The following NDE1 variants were observed in gnomAD, a reference collection of about 807,000 sequenced individuals.
NDE1 encodes nuclear distribution protein nudE homolog 1.
Under a neutral mutation model 43.4 loss-of-function variants are expected in NDE1, and 28 were observed. The ratio of observed to expected loss-of-function variants is 0.65; its 90% confidence interval spans 0.48 to 0.89. The LOEUF (loss-of-function observed/expected upper bound fraction) is 0.89. NDE1 is among the 40% of genes least tolerant of loss of function. The pLI, the probability that NDE1 is intolerant of heterozygous loss-of-function variation, is 0.00. For missense variants in NDE1, 441 were observed against 434.1 expected (o/e 1.02, Z -0.14); for synonymous variants, 184 against 172.0 (o/e 1.07, Z -0.55).
At chr16:15,654,462 G>T (rs541968176) in intron 1 of NDE1, among the ~76,000 whole-genome samples, 1 of 151,552 alleles carries the variant, frequency 6.6e-6, no homozygotes, top group African/African-American at 2.4e-5. Context: ...TTAGCCAGTC[G>T]TGGTGGCATG....
At chr16:15,667,585 T>TGATCTTTG in intron 3 of NDE1, 146 bp downstream of exon 3, 1 of 940,340 alleles carries the variant, frequency 1.1e-6, no homozygotes, top group Non-Finnish European at 1.6e-6. Context: ...GCGGCAGACG[T>TGATCTTTG]GATCTTTGAA....
At chr16:15,681,666 T>C (rs2038191668) in intron 4 of NDE1, among the ~76,000 whole-genome samples, 1 of 152,188 alleles carries the variant, frequency 6.6e-6, no homozygotes, top group Non-Finnish European at 1.5e-5. Flanking sequence ...TGGGAGTTTG[T>C]CATTTGTTTC....
chr16:15,707,476 A>G (rs756794434), intron 8 of NDE1, among the ~76,000 whole-genome samples: 2 of 152,150 alleles, frequency 1.3e-5, no homozygotes, highest in Non-Finnish European at 2.9e-5. Flanking sequence ...GGCTTATCCT[A>G]TGATCCCAAT....
At chr16:15,723,226 G>T (rs898717842) in intron 8 of NDE1, among the ~76,000 whole-genome samples, 1 of 152,156 alleles carries the variant, frequency 6.6e-6, no homozygotes, top group African/African-American at 2.4e-5. Context: ...AAGCAAAATT[G>T]TGTTTAAAAA....
chr16:15,715,840 C>A (rs763902054), intron 8 of NDE1, among the ~76,000 whole-genome samples: 2 of 152,058 alleles, frequency 1.3e-5, no homozygotes, highest in Non-Finnish European at 2.9e-5. Context: ...GAAACGGAGT[C>A]TCTGGCCAGG....
intron 3 of NDE1, among the ~76,000 whole-genome samples, chr16:15,667,899 G>A (rs557143504): frequency 1.3e-5 from 2 of 151,870 alleles, no homozygotes; most frequent in African/African-American, 4.8e-5. Context: ...TGAGAAGCAA[G>A]TCACACACAT....
intron 8 of NDE1, among the ~76,000 whole-genome samples, chr16:15,705,504 T>C (rs1217049261): frequency 6.6e-6 from 1 of 152,144 alleles, no homozygotes; most frequent in African/African-American, 2.4e-5. Flanking sequence ...AACACTTAAC[T>C]CTTTTCAGCA....
Position 15,721,734 on chromosome 16 carries a change from G to A in NDE1, c.948-2457G>A, listed in dbSNP as rs1436733004. Reference sequence around the variant, plus strand: ...AGCCCTGTGTCCTGCTGAATGTATTGAGGTGCAGGTGTAAGCAGTGTAGGT... The same window carrying A: ...AGCCCTGTGTCCTGCTGAATGTATTAAGGTGCAGGTGTAAGCAGTGTAGGT... On this transcript the variant is annotated intron_variant, in intron 8 of 8. Transcript: ENST00000396354. 4.0e-6 allele frequency: 5 copies of A among 1,257,330 alleles called. No individual in the cohort carries two copies. The African/African-American group carries it at 4.4e-5, about 11-fold the overall frequency. The allele number at this position is 1,257,330 out of a possible 1,614,324, so 77.9% of individuals were successfully genotyped here.
In NDE1 at chr16:15,726,008, C is replaced by G. The variant is rs1003109951; in HGVS notation, c.*1757C>G. The G allele has an allele frequency of 2.1e-5, 6 of 280,862 alleles. No individual in the cohort carries two copies. Among genetic ancestry groups the G allele is most frequent in the Admixed American group, 5.3e-5 (1 of 18,832 alleles). The allele number at this position is 280,862 out of a possible 1,614,324, so 17.4% of individuals were successfully genotyped here. On this transcript the variant is annotated 3_prime_UTR_variant, in exon 9 of 9. Coordinates refer to ENST00000396354, the MANE Select transcript of NDE1 (RefSeq NM_017668.3). Reference sequence around the variant, plus strand: ...CACTCCAGCTCTACTGGCTGTATGTCTCTCTCCTAATTTTTCTACTTACCA... The same window carrying G: ...CACTCCAGCTCTACTGGCTGTATGTGTCTCTCCTAATTTTTCTACTTACCA...
Position 15,691,252 on chromosome 16 carries a change from C to G in NDE1, c.632C>G (p.Ser211Cys). 1.2e-6 allele frequency: 2 copies of G among 1,614,180 alleles called. No homozygotes were observed. The highest frequency in any genetic ancestry group is 1.7e-6 in the Non-Finnish European group (2 of 1,180,026). ...GACACAGCTGTGCAGGCCACGGGCT[C>G]CGTGCCGTCCACGCCCATTGCTCAC... ...RTDTAVQATG[S>C]VPSTPIAHRG... Residue 211 changes from serine (S) to cysteine (C), a missense_variant, in exon 6 of 9, where the codon TCC (serine) becomes TGC (cysteine). Ser to Cys is a moderately radical substitution (Grantham distance 112). Transcript: ENST00000396354.
At chr16:15,682,328 G>T (rs949196602) in intron 4 of NDE1, among the ~76,000 whole-genome samples, 12 of 152,224 alleles carry the variant, frequency 7.9e-5, no homozygotes, top group African/African-American at 2.6e-4. Context: ...TGTATTCTTT[G>T]TAAAGACCGG....
chr16:15,716,986 G>A (rs1048690292), intron 8 of NDE1, among the ~76,000 whole-genome samples: 9 of 152,180 alleles, frequency 5.9e-5, no homozygotes, highest in African/African-American at 1.2e-4. Flanking sequence ...CTGTGTTTAC[G>A]TTCAGTTCTC....
At chr16:15,661,534 A>C (rs1035887530) in intron 1 of NDE1, among the ~76,000 whole-genome samples, 1 of 151,620 alleles carries the variant, frequency 6.6e-6, no homozygotes, top group African/African-American at 2.4e-5. Flanking sequence ...GTCATGGGTC[A>C]CTGCAGCCTC....
Position 15,718,455 on chromosome 16 carries a change from C to T in NDE1, c.948-5736C>T, listed in dbSNP as rs1466043456. On this transcript the variant is annotated intron_variant, in intron 8 of 8. Coordinates refer to ENST00000396354, the MANE Select transcript of NDE1 (RefSeq NM_017668.3). ...AGTGCGTTCCTGGGGGAAGGGCGGC[C>T]ATGGTGGGGGCCTCTACCCTCCCCC... 1.3e-6 allele frequency: 2 copies of T among 1,546,422 alleles called. No homozygotes were observed. Among genetic ancestry groups the T allele is most frequent in the Non-Finnish European group, 1.7e-6 (2 of 1,149,636 alleles).
At position 15,693,652 on chromosome 16, in the gene NDE1, G is replaced by A. The variant is rs562865048; in HGVS notation, c.704-513G>A. Among the ~76,000 whole-genome samples, 69 of 151,978 alleles carry A rather than the reference G, an allele frequency of 4.5e-4. 1 individual carries two copies. Among genetic ancestry groups the A allele is most frequent in the South Asian group, 1.0e-3 (5 of 4,812 alleles). On this transcript the variant is annotated intron_variant, in intron 6 of 8. Coordinates refer to ENST00000396354, the MANE Select transcript of NDE1 (RefSeq NM_017668.3). ...CCTGTCTCTATTAAAAAAAAAATTT[G>A]TTAAAGGCCAGGCATGGTGGCTCAC... is the stretch of plus-strand genomic sequence containing the variant.
chr16:15,722,307 GC>G (rs2040529418), intron 8 of NDE1, among the ~76,000 whole-genome samples: 1 of 152,202 alleles, frequency 6.6e-6, no homozygotes, highest in Non-Finnish European at 1.5e-5. Context: ...TATCCTAAGA[GC>G]CTCAGTAGGG....
chr16:15,693,280 C>A (rs986456094), intron 6 of NDE1, among the ~76,000 whole-genome samples: 1 of 152,166 alleles, frequency 6.6e-6, no homozygotes, highest in African/African-American at 2.4e-5. Flanking sequence ...ACTGGGATTA[C>A]AGGTGTGAGC....
chr16:15,719,353 A>G lies in NDE1; in HGVS notation c.948-4838A>G, dbSNP rs757200590. 17 of 1,592,676 alleles carry G rather than the reference A, an allele frequency of 1.1e-5. No individual in the cohort carries two copies. The East Asian group carries it at 1.1e-4, about 10-fold the overall frequency. ...GCTGTTGTCTGCCAGGGAAAGGCCA[A>G]GCCCCACCAAGAGTCCACCCTGACA... On this transcript the variant is annotated intron_variant, in intron 8 of 8. Transcript: ENST00000396354.
At chr16:15,652,528 TTAG>T (rs1051083232) in intron 1 of NDE1, among the ~76,000 whole-genome samples, 31 of 152,276 alleles carry the variant, frequency 2.0e-4, no homozygotes, top group South Asian at 1.2e-3. Context: ...TGCCCAGCAC[TTAG>T]TAGGTATTCA....
Sources: allele counts gnomAD v4.1 joint callset (sites outside exome capture counted in the v4.1 genomes callset), GRCh38; gene constraint gnomAD v4.1.1; transcripts MANE v1.5; gene names NCBI Gene and HGNC (gene_info 2026-07-23, HGNC 2026-07-21).